The following CAMK2A variants were observed in gnomAD, a reference collection of about 807,000 sequenced individuals.
CAMK2A encodes calcium/calmodulin dependent protein kinase II alpha, also known as calcium/calmodulin-dependent protein kinase type II subunit alpha.
A neutral mutation model predicts 79.2 loss-of-function variants in CAMK2A; 7 were observed. The ratio of observed to expected loss-of-function variants is 0.09; its 90% CI spans 0.05 to 0.17. The LOEUF (loss-of-function observed/expected upper bound fraction) is 0.17. Ranked by LOEUF, CAMK2A falls within the 10% of genes least tolerant of loss-of-function variation. The pLI is 1.00. For missense variants in CAMK2A, 214 were observed against 646.4 expected (o/e 0.33, Z 7.25); for synonymous variants, 242 against 251.7 (o/e 0.96, Z 0.36).
chr5:150,253,306 G>C, intron 7 of CAMK2A, 138 bp downstream of exon 7: 1 of 677,074 alleles, frequency 1.5e-6, no homozygotes, highest in Middle Eastern at 4.1e-4. Context: ...GGGTGGGACA[G>C]GGCCTCTGCT....
At chr5:150,237,919 C>T (rs1456763091) in intron 15 of CAMK2A, among the ~76,000 whole-genome samples, 1 of 152,004 alleles carries the variant, frequency 6.6e-6, no homozygotes, top group African/African-American at 2.4e-5. Context: ...CCACTAGCTC[C>T]AGTGGCGCCG....
rs1755225313 is a variant in CAMK2A, at chr5:150,239,134, TGA to T, written c.1018-388_1018-387del. 2.0e-5 allele frequency among the ~76,000 whole-genome samples: 3 copies of T among 151,972 alleles called. No homozygotes were observed. The South Asian group carries it at 6.2e-4, about 32-fold the overall frequency. On this transcript the variant is annotated intron_variant, in intron 14 of 18. Transcript: ENST00000671881. ...AAGAGAGAGAGAGGGAGGCCCAGTGTGAGAGATGGTGGGCTCTTCAGAGGGGA... is the reference window on the plus strand; with the variant it reads ...AAGAGAGAGAGAGGGAGGCCCAGTGTGAGATGGTGGGCTCTTCAGAGGGGA...
chr5:150,254,675 C>A (rs1221109132), intron 6 of CAMK2A, among the ~76,000 whole-genome samples: 28 of 152,182 alleles, frequency 1.8e-4, no homozygotes, highest in Non-Finnish European at 1.5e-5. Context: ...AGACTGTGGG[C>A]TCGCTTAGAT....
At chr5:150,285,998 C>A (rs931630002) in intron 1 of CAMK2A, among the ~76,000 whole-genome samples, 2 of 152,188 alleles carry the variant, frequency 1.3e-5, no homozygotes, top group African/African-American at 2.4e-5. Context: ...GCCCAATAAC[C>A]AGCATTCTTC....
rs571460435 is a variant in CAMK2A, at chr5:150,251,603, C to T, written c.693+147G>A. 10 of 546,648 alleles carry T rather than the reference C, an allele frequency of 1.8e-5. No homozygotes were observed. In the Admixed American group the frequency reaches 3.3e-4, roughly 18 times the overall value. 33.9% of individuals were successfully genotyped at this position (546,648 alleles called of 1,614,324 possible). A position where few individuals can be genotyped will look rare whatever the true frequency, so the allele number is the denominator to read the frequency against. On this transcript the variant is annotated intron_variant, in intron 9 of 18. Coordinates refer to ENST00000671881, the MANE Select transcript of CAMK2A (RefSeq NM_015981.4). ...GCAAGATAAATCTCCAATCATTAGG[C>T]ACAGCATGGTAACCACCTGGCCCTG...
At position 150,256,511 on chromosome 5, in the gene CAMK2A, T is replaced by A; in HGVS notation, c.411+62A>T. ...CTGATAATGTCCAGCTCTGCAGGATTAGGGACGTGCAGAGGAGAGAGGGGC... is the reference window on the plus strand; with the variant it reads ...CTGATAATGTCCAGCTCTGCAGGATAAGGGACGTGCAGAGGAGAGAGGGGC... On this transcript the variant is annotated intron_variant, in intron 6 of 18. Coordinates refer to ENST00000671881, the MANE Select transcript of CAMK2A (RefSeq NM_015981.4). The surrounding 1 kb of genome is among the most constrained non-coding windows in gnomAD (Gnocchi z 4.6). 1 of 1,103,210 alleles carries A rather than the reference T, an allele frequency of 9.1e-7. No homozygotes were observed. The allele number at this position is 1,103,210 out of a possible 1,614,324, so 68.3% of individuals were successfully genotyped here. A position where few individuals can be genotyped will look rare whatever the true frequency, so the allele number is the denominator to read the frequency against.
Position 150,252,015 on chromosome 5 carries a change from G to A in CAMK2A, c.565C>T (p.Pro189Ser). 6.2e-7 allele frequency: 1 copy of A among 1,613,954 alleles called. No homozygotes were observed. Residue 189 changes from proline (P) to serine (S), a missense_variant, in exon 8 of 19, where the codon CCG becomes TCG. Physicochemically the swap from Pro to Ser is moderately conservative, Grantham distance 74. Around this residue, in one of 4 missense-constraint regions of CAMK2A, gnomAD observed 72 missense variants for 333.9 expected, o/e 0.22. Transcript: ENST00000671881. ...YLSPEVLRKD[P>S]YGKPVDLWAC... Reference sequence around the variant, plus strand: ...CACAGGTCCACAGGCTTCCCGTACGGGTCCTTCCGCAGCACTTCTGGGGAG... The same window carrying A: ...CACAGGTCCACAGGCTTCCCGTACGAGTCCTTCCGCAGCACTTCTGGGGAG...
intron 3 of CAMK2A, among the ~76,000 whole-genome samples, chr5:150,258,354 C>A (rs954233027): frequency 2.0e-5 from 3 of 152,194 alleles, no homozygotes; most frequent in African/African-American, 7.2e-5. Flanking sequence ...TCTCACAGGA[C>A]AGGGCTCACA....
intron 10 of CAMK2A, 78 bp from the exon 11 acceptor site, chr5:150,250,387 G>A (rs938438125): frequency 4.7e-5 from 57 of 1,214,634 alleles, no homozygotes; most frequent in Non-Finnish European, 6.9e-5. Context: ...CCTTCAGCAG[G>A]GCATCTTAAT....
At chr5:150,276,981 G>A (rs910673149) in intron 1 of CAMK2A, among the ~76,000 whole-genome samples, 2 of 152,174 alleles carry the variant, frequency 1.3e-5, no homozygotes, top group Non-Finnish European at 2.9e-5. Context: ...CGCAATCCCA[G>A]CACTTTGGGA....
At chr5:150,248,338 ATATATAT>A (rs1443460368) in intron 11 of CAMK2A, among the ~76,000 whole-genome samples, 1 of 146,958 alleles carries the variant, frequency 6.8e-6, no homozygotes. Context: ...TTATATATAT[ATATATAT>A]TATATAATAC....
chr5:150,284,748 CCTCT>C lies in CAMK2A; in HGVS notation c.62+4812_62+4815del, dbSNP rs1329447725. On this transcript the variant is annotated intron_variant, in intron 1 of 18. Coordinates refer to ENST00000671881, the MANE Select transcript of CAMK2A (RefSeq NM_015981.4). This position sits in a 1 kb window ranked among gnomAD's most constrained non-coding sequence, Gnocchi z 5.3. The stretch of plus-strand genomic sequence containing the variant: ...CGTCATCTAGTCCCCTAGCCTGGGC[CCTCT>C]CTCTCCTGTGGCCTTGGACAAACCA... 6.6e-6 allele frequency among the ~76,000 whole-genome samples: 1 copy of C among 152,128 alleles called. No individual in the cohort carries two copies. The highest frequency in any genetic ancestry group is 2.4e-5 in the African/African-American group (1 of 41,416).
rs1191656980 is a variant in CAMK2A, at chr5:150,248,448, T to C, written c.901-634A>G. Among the ~76,000 whole-genome samples, 7 of 150,930 alleles carry C rather than the reference T, an allele frequency of 4.6e-5. No homozygotes were observed. In the East Asian group the frequency reaches 5.8e-4, roughly 13 times the overall value. On this transcript the variant is annotated intron_variant, in intron 11 of 18. Coordinates refer to ENST00000671881, the MANE Select transcript of CAMK2A (RefSeq NM_015981.4). ...TGTGCTGCACCCATTAACTCGTCATTTACATTAGGTATATCTCCTAATGCT... is the reference window on the plus strand; with the variant it reads ...TGTGCTGCACCCATTAACTCGTCATCTACATTAGGTATATCTCCTAATGCT...
At chr5:150,265,296 G>C in intron 2 of CAMK2A, 1 of 438,228 alleles carries the variant, frequency 2.3e-6, no homozygotes, top group Non-Finnish European at 4.3e-6. Flanking sequence ...ACTCCTCCAG[G>C]CCTGTTCCTC....
At chr5:150,240,737 T>C (rs2114044101) in intron 13 of CAMK2A, among the ~76,000 whole-genome samples, 1 of 152,308 alleles carries the variant, frequency 6.6e-6, no homozygotes, top group Middle Eastern at 3.4e-3. Flanking sequence ...GGCAAGCCAC[T>C]AGCAGAGCTG....
intron 17 of CAMK2A, among the ~76,000 whole-genome samples, chr5:150,227,234 C>T (rs1754644206): frequency 6.6e-6 from 1 of 152,144 alleles, no homozygotes; most frequent in Non-Finnish European, 1.5e-5. Context: ...TTTGCTTTCT[C>T]TTTGATAAAG....
chr5:150,267,272 AC>A (rs1175319270), intron 2 of CAMK2A, among the ~76,000 whole-genome samples: 5 of 150,714 alleles, frequency 3.3e-5, no homozygotes, highest in East Asian at 2.0e-4. Context: ...CCCATACCCT[AC>A]CCCCCATCCC....
chr5:150,259,985 T>A (rs970447880), intron 3 of CAMK2A, among the ~76,000 whole-genome samples: 3 of 146,982 alleles, frequency 2.0e-5, no homozygotes, highest in Non-Finnish European at 3.0e-5. Context: ...TAAAAAAAAT[T>A]AAAAATAAAA....
intron 17 of CAMK2A, among the ~76,000 whole-genome samples, chr5:150,226,948 T>A (rs10051498): frequency 1.3e-5 from 2 of 151,508 alleles, no homozygotes; most frequent in African/African-American, 2.4e-5. Flanking sequence ...ATTTTTGTAT[T>A]TTTAGTAGAG....
Sources: allele counts gnomAD v4.1 joint callset (sites outside exome capture counted in the v4.1 genomes callset), GRCh38; gene constraint gnomAD v4.1.1; regional missense constraint gnomAD v4.1.1; non-coding constraint Gnocchi (gnomAD v3.1); transcripts MANE v1.5; gene names NCBI Gene and HGNC (gene_info 2026-07-23, HGNC 2026-07-21).